Variants in ATP1A1 observed in about 807,000 individuals in gnomAD.
ATP1A1 encodes the protein sodium/potassium-transporting ATPase subunit alpha-1.
Under a neutral mutation model 114.8 loss-of-function variants are expected in ATP1A1, and 14 were observed. The ratio of observed to expected loss-of-function variants is 0.12; its 90% CI spans 0.08 to 0.19. The LOEUF (loss-of-function observed/expected upper bound fraction) is 0.19, where lower values mean the gene tolerates loss of function less well. ATP1A1 is among the 10% of genes least tolerant of loss of function. The pLI is 1.00. For synonymous variants in ATP1A1, 471 were observed against 466.3 expected, an observed-to-expected ratio of 1.01 and a Z score of -0.13; for missense variants, 524 against 1,290.7, an observed-to-expected ratio of 0.41 and a Z score of 9.10.
intron 1 of ATP1A1, among the ~76,000 whole-genome samples, chr1:116,380,076 T>G (rs997506250): frequency 9.8e-5 from 15 of 152,348 alleles, no homozygotes; most frequent in African/African-American, 3.4e-4. Context: ...TTAAGGTGTT[T>G]TATTTTTCAG....
chr1:116,383,057 G>T (rs956094424), intron 1 of ATP1A1, among the ~76,000 whole-genome samples: 2 of 152,034 alleles, frequency 1.3e-5, no homozygotes, highest in African/African-American at 4.8e-5. Context: ...CAACAGGGGT[G>T]GGGGAGTGGA....
Position 116,385,752 on chromosome 1 carries a change from G to C in ATP1A1, c.183+910G>C, listed in dbSNP as rs1652034892. The C allele has an allele frequency of 6.6e-6, 1 of 152,102 alleles. No homozygotes were observed. The highest frequency in any genetic ancestry group is 6.6e-5 in the Admixed American group (1 of 15,266). 9.4% of individuals were successfully genotyped at this position (152,102 alleles called of 1,614,324 possible). A position where few individuals can be genotyped will look rare whatever the true frequency, so the allele number is the denominator to read the frequency against. On this transcript the variant is annotated intron_variant, in intron 3 of 22. Coordinates refer to ENST00000295598, the MANE Select transcript of ATP1A1 (RefSeq NM_000701.8). This position sits in a 1 kb window ranked among gnomAD's most constrained non-coding sequence, Gnocchi z 4.3. ...AGGTAGATAGTGTTGGAATTGAATT[G>C]GAGGAAACCTTGGTGGTGGGGAGAA...
intron 1 of ATP1A1, among the ~76,000 whole-genome samples, chr1:116,380,188 G>A (rs1651650735): frequency 6.6e-6 from 1 of 152,216 alleles, no homozygotes; most frequent in East Asian, 1.9e-4. Context: ...AAGAAACTAA[G>A]GCTGACAGGC....
chr1:116,392,652 G>A, intron 10 of ATP1A1: 1 of 512,558 alleles, frequency 2.0e-6, no homozygotes, highest in South Asian at 3.3e-5. Context: ...AGGACGTTGG[G>A]GTTTGAGTCT....
At chr1:116,391,054 T>TG (rs1394832008) in intron 10 of ATP1A1, among the ~76,000 whole-genome samples, 163 bp downstream of exon 10, 2 of 152,360 alleles carry the variant, frequency 1.3e-5, no homozygotes, top group Non-Finnish European at 2.9e-5. Context: ...TACATTGTGT[T>TG]GCCTGTAGAT....
intron 21 of ATP1A1, 105 bp from the exon 22 acceptor site, chr1:116,403,776 TCTC>T (rs1653736864): frequency 2.1e-6 from 2 of 964,956 alleles, no homozygotes; most frequent in Admixed American, 2.2e-5. Context: ...GTACTTGGCT[TCTC>T]CTTTCAGGCT....
Position 116,390,441 on chromosome 1 carries a change from C to T in ATP1A1, c.1222+30C>T, listed in dbSNP as rs757597066. 4 of 1,575,052 alleles carry T rather than the reference C, an allele frequency of 2.5e-6. No individual in the cohort carries two copies. In the African/African-American group the frequency reaches 4.1e-5, roughly 16 times the overall value. On this transcript the variant is annotated intron_variant, in intron 9 of 22. Coordinates refer to ENST00000295598, the MANE Select transcript of ATP1A1 (RefSeq NM_000701.8). ...GGCCAGGGTTACCACACACCTCAGC[C>T]ACCTGCTGACTTCGCTTGGTTTTTT... is the stretch of plus-strand genomic sequence containing the variant.
rs1653428522 is a variant in ATP1A1 at position 116,401,012 on chromosome 1, T to G, written c.2718+6T>G. The G allele has an allele frequency of 6.2e-7, 1 of 1,614,068 alleles. No individual in the cohort carries two copies. The highest frequency in any genetic ancestry group is 8.5e-7 in the Non-Finnish European group (1 of 1,179,998). On this transcript the variant is annotated splice_donor_region_variant and intron_variant, in intron 19 of 22. Coordinates refer to ENST00000295598, the MANE Select transcript of ATP1A1 (RefSeq NM_000701.8). The surrounding 1 kb of genome is among the most constrained non-coding windows in gnomAD (Gnocchi z 4.7). ...ACAGCTACGGGCAGCAGTGGGTGAG[T>G]GGGCACCTCTGACCTGACCAGTGTC...
chr1:116,396,624 A>G lies in ATP1A1; in HGVS notation c.1863A>G (p.Pro621=). Residue 621 remains proline, a synonymous_variant, in exon 14 of 23, where the codon CCA becomes CCG. Transcript: ENST00000295598. ...TCATCATGGTCACAGGAGACCATCC[A>G]ATCACAGCTAAAGCTATTGCCAAAG... is the stretch of plus-strand genomic sequence containing the variant. ...IKVIMVTGDH[P]ITAKAIAKGV... 1 of 1,613,932 alleles carries G rather than the reference A, an allele frequency of 6.2e-7. No individual in the cohort carries two copies. Among genetic ancestry groups the G allele is most frequent in the Non-Finnish European group, 8.5e-7 (1 of 1,179,912 alleles).
Position 116,389,409 on chromosome 1 carries a change from G to C in ATP1A1, c.755-30G>C, listed in dbSNP as rs774561525. ...GCTTCCTTCAGGTTAGATACAATTAGGTACAGTTCTCCCTCCCCTTCTTTT... is the reference window on the plus strand; with the variant it reads ...GCTTCCTTCAGGTTAGATACAATTACGTACAGTTCTCCCTCCCCTTCTTTT... On this transcript the variant is annotated intron_variant, in intron 7 of 22. Transcript: ENST00000295598. The surrounding 1 kb of genome is among the most constrained non-coding windows in gnomAD (Gnocchi z 6.9). 1 of 1,611,376 alleles carries C rather than the reference G, an allele frequency of 6.2e-7. No homozygotes were observed. The highest frequency in any genetic ancestry group is 8.5e-7 in the Non-Finnish European group (1 of 1,177,932).
Position 116,404,715 on chromosome 1 carries a change from A to C in ATP1A1, c.*271A>C. The C allele has an allele frequency of 1.6e-6, 2 of 1,256,236 alleles. No individual in the cohort carries two copies. The highest frequency in any genetic ancestry group is 1.0e-6 in the Non-Finnish European group (1 of 1,003,792). 77.8% of individuals were successfully genotyped at this position (1,256,236 alleles called of 1,614,324 possible). ...TTGTAAAAAAGGAACACCCGGAAAG[A>C]CTGAAAGAATACATTTTATATCTGG... On this transcript the variant is annotated 3_prime_UTR_variant, in exon 23 of 23. Transcript: ENST00000295598. The surrounding 1 kb of genome is among the most constrained non-coding windows in gnomAD (Gnocchi z 4.8).
At chr1:116,380,383 A>G (rs1197943203) in intron 1 of ATP1A1, among the ~76,000 whole-genome samples, 4 of 152,294 alleles carry the variant, frequency 2.6e-5, no homozygotes, top group African/African-American at 7.2e-5. Context: ...TTGTGCTGAT[A>G]TGGTGGGAAA....
chr1:116,382,792 G>A (rs1324046431), intron 1 of ATP1A1, among the ~76,000 whole-genome samples: 3 of 152,216 alleles, frequency 2.0e-5, no homozygotes, highest in African/African-American at 7.2e-5. Context: ...CTGGACACGA[G>A]TTCCTAATTA....
chr1:116,398,600 G>A lies in ATP1A1; in HGVS notation c.2125-21G>A, dbSNP rs766893556. 2.6e-5 allele frequency: 42 copies of A among 1,610,810 alleles called. No homozygotes were observed. The highest frequency in any genetic ancestry group is 3.1e-5 in the Non-Finnish European group (37 of 1,178,018). ...TAGGAAAAGTGATTGGTATTAACCC[G>A]TTTTCCCTTTTCTGGGGTAGGGTGC... On this transcript the variant is annotated intron_variant, in intron 15 of 22. Transcript: ENST00000295598. The surrounding 1 kb of genome is among the most constrained non-coding windows in gnomAD (Gnocchi z 6.1).
In ATP1A1 at chr1:116,384,209, G is replaced by T; in HGVS notation, c.123+85G>T. ...CCCAGGCCTCACTGTATTCTTCAAAGAACTGCTATATATTAAAAGAGATCA... is the reference window on the plus strand; with the variant it reads ...CCCAGGCCTCACTGTATTCTTCAAATAACTGCTATATATTAAAAGAGATCA... On this transcript the variant is annotated intron_variant, in intron 2 of 22. Coordinates refer to ENST00000295598, the MANE Select transcript of ATP1A1 (RefSeq NM_000701.8). The surrounding 1 kb of genome is among the most constrained non-coding windows in gnomAD (Gnocchi z 5.1). 1 of 1,066,962 alleles carries T rather than the reference G, an allele frequency of 9.4e-7. No individual in the cohort carries two copies. Among genetic ancestry groups the T allele is most frequent in the Non-Finnish European group, 1.4e-6 (1 of 718,218 alleles). 66.1% of individuals were successfully genotyped at this position (1,066,962 alleles called of 1,614,324 possible). A position where few individuals can be genotyped will look rare whatever the true frequency, so the allele number is the denominator to read the frequency against.
chr1:116,387,233 A>G lies in ATP1A1; in HGVS notation c.184-55A>G, dbSNP rs1448309004. 2.5e-6 allele frequency: 4 copies of G among 1,597,846 alleles called. No individual in the cohort carries two copies. Among genetic ancestry groups the G allele is most frequent in the African/African-American group, 1.3e-5 (1 of 74,546 alleles). On this transcript the variant is annotated intron_variant, in intron 3 of 22. Transcript: ENST00000295598. This position sits in a 1 kb window ranked among gnomAD's most constrained non-coding sequence, Gnocchi z 6.7. ...AACCGTCCAGCTACCAGGTAGGTAT[A>G]TTGCCTTGTAAGTGCTGGTACAGTT...
Position 116,387,407 on chromosome 1 carries a change from A to G in ATP1A1, c.303A>G (p.Ser101=), listed in dbSNP as rs759121025. The change falls in exon 4 of 23, where the codon TCA becomes TCG. Residue 101 remains serine, a synonymous_variant. Coordinates refer to ENST00000295598, the MANE Select transcript of ATP1A1 (RefSeq NM_000701.8). The surrounding 1 kb of genome is among the most constrained non-coding windows in gnomAD (Gnocchi z 6.7). ...KFCRQLFGGF[S]MLLWIGAILC... is the part of the protein sequence containing the mutation. The stretch of plus-strand genomic sequence containing the variant: ...GTCGGCAGCTCTTTGGGGGGTTCTC[A>G]ATGTTACTGTGGATTGGAGCGATTC... 2 of 1,614,150 alleles carry G rather than the reference A, an allele frequency of 1.2e-6. No homozygotes were observed. Among genetic ancestry groups the G allele is most frequent in the East Asian group, 2.2e-5 (1 of 44,874 alleles).
chr1:116,387,328 A>G lies in ATP1A1; in HGVS notation c.224A>G (p.Asp75Gly). The G allele has an allele frequency of 6.2e-7, 1 of 1,614,116 alleles. No individual in the cohort carries two copies. Among genetic ancestry groups the G allele is most frequent in the Non-Finnish European group, 8.5e-7 (1 of 1,180,010 alleles). ...SARAAEILAR[D>G]GPNALTPPPT... ...CGTGCAGCTGAGATCCTGGCGCGAG[A>G]TGGTCCCAACGCCCTCACTCCCCCT... The change falls in exon 4 of 23, where the codon GAT (aspartate) becomes GGT (glycine). Residue 75 changes from aspartate (D) to glycine (G), a missense_variant. Physicochemically the swap from Asp to Gly is moderately conservative, Grantham distance 94. Transcript: ENST00000295598. The surrounding 1 kb of genome is among the most constrained non-coding windows in gnomAD (Gnocchi z 6.7).
Position 116,388,796 on chromosome 1 carries a change from C to T in ATP1A1, c.636+24C>T. On this transcript the variant is annotated intron_variant, in intron 6 of 22. Transcript: ENST00000295598. This position sits in a 1 kb window ranked among gnomAD's most constrained non-coding sequence, Gnocchi z 5.6. Reference sequence around the variant, plus strand: ...AGGTAGCTCTTTTATTTTAACAAACCTCATAGCTAGCTCTGCTGTTCGGGC... The same window carrying T: ...AGGTAGCTCTTTTATTTTAACAAACTTCATAGCTAGCTCTGCTGTTCGGGC... 6.2e-7 allele frequency: 1 copy of T among 1,613,704 alleles called. No individual in the cohort carries two copies. Among genetic ancestry groups the T allele is most frequent in the Non-Finnish European group, 8.5e-7 (1 of 1,179,734 alleles).
Sources: allele counts gnomAD v4.1 joint callset (sites outside exome capture counted in the v4.1 genomes callset), GRCh38; gene constraint gnomAD v4.1.1; non-coding constraint Gnocchi (gnomAD v3.1); transcripts MANE v1.5; gene names NCBI Gene and HGNC (gene_info 2026-07-23, HGNC 2026-07-21).